The following TFR2 variants were observed in gnomAD, a reference collection of about 807,000 sequenced individuals.
TFR2 encodes the protein transferrin receptor protein 2.
Under a neutral mutation model 91.9 loss-of-function variants are expected in TFR2, and 64 were observed. The observed-to-expected ratio is 0.70, with a 90% CI of 0.57 to 0.86. TFR2 has a LOEUF of 0.86. Among genes scored for constraint, TFR2 ranks in the 40% least tolerant of loss-of-function variants. The probability of loss-of-function intolerance (pLI) is 0.00; values close to 1 mark genes in which losing one functional copy is unlikely to be tolerated. For synonymous variants in TFR2, 454 were observed against 459.6 expected (o/e 0.99, Z 0.15); for missense variants, 950 against 1,080.5 (o/e 0.88, Z 1.69).
chr7:100,622,865 A>C (rs1803145121), intron 17 of TFR2, among the ~76,000 whole-genome samples: 1 of 152,208 alleles, frequency 6.6e-6, no homozygotes, highest in Admixed American at 6.6e-5. Flanking sequence ...AGGCTGAGGC[A>C]CAAGAATAGC....
chr7:100,640,533 A>T (rs1366597611), intron 3 of TFR2, 153 bp downstream of exon 3: 6 of 826,922 alleles, frequency 7.3e-6, no homozygotes, highest in Non-Finnish European at 3.7e-6. Flanking sequence ...CATCCTTCCC[A>T]GGACCGCTGA....
intron 1 of TFR2, 113 bp from the exon 2 acceptor site, chr7:100,641,341 GC>G: frequency 7.0e-7 from 1 of 1,428,790 alleles, no homozygotes; most frequent in Non-Finnish European, 9.5e-7. Context: ...GGTGGTGGGG[GC>G]GTGGGGGAGG....
At chr7:100,637,268 G>C (rs763857619) in intron 3 of TFR2, among the ~76,000 whole-genome samples, 1 of 151,974 alleles carries the variant, frequency 6.6e-6, no homozygotes, top group Non-Finnish European at 1.5e-5. Context: ...GTGTCGTGGC[G>C]CATGACTGTA....
chr7:100,634,294 G>T (rs1279760559), intron 3 of TFR2, among the ~76,000 whole-genome samples: 1 of 151,708 alleles, frequency 6.6e-6, no homozygotes. Flanking sequence ...CATCCTCCAC[G>T]TGGGCCTCAT....
chr7:100,626,411 G>T (rs1490545449), intron 17 of TFR2: 8 of 1,118,466 alleles, frequency 7.2e-6, no homozygotes, highest in Non-Finnish European at 8.8e-6. Context: ...GACCAGTGTG[G>T]ACATGCTTTT....
chr7:100,632,719 A>T, intron 6 of TFR2: 2 of 39,176 alleles, frequency 5.1e-5, no homozygotes, highest in Non-Finnish European at 8.3e-5. Flanking sequence ...CAGCTAACTA[A>T]AAAAAAAAAA....
intron 17 of TFR2, 77 bp downstream of exon 17, chr7:100,626,686 C>A: frequency 6.6e-7 from 1 of 1,504,884 alleles, no homozygotes; most frequent in Non-Finnish European, 8.8e-7. Flanking sequence ...AGCGCGCAGA[C>A]GGGGCCAGGT....
intron 2 of TFR2, 38 bp from the exon 3 acceptor site, chr7:100,640,910 C>T (rs1479066036): frequency 6.2e-7 from 1 of 1,613,814 alleles, no homozygotes; most frequent in South Asian, 1.1e-5. Flanking sequence ...TTTATGCCCA[C>T]CTCTGGACCC....
chr7:100,641,383 A>C (rs956747394), intron 1 of TFR2, 94 bp downstream of exon 1: 1 of 1,554,968 alleles, frequency 6.4e-7, no homozygotes, highest in Admixed American at 1.8e-5. Flanking sequence ...AGGTCAGGAC[A>C]CGGTCCAGGA....
chr7:100,637,064 G>A (rs543243466), intron 3 of TFR2, among the ~76,000 whole-genome samples: 23 of 152,254 alleles, frequency 1.5e-4, no homozygotes, highest in Non-Finnish European at 2.8e-4. Context: ...CCAGGAGTTC[G>A]AAACCAGCCT....
Position 100,627,312 on chromosome 7 carries a change from G to C in TFR2, c.1947C>G (p.Val649=). ...TGAGGTTCCCGATGTGCCTGAGGAC[G>C]ACGTCCCCGTAGCGGCCGAAGTCGA... ...LPLDFGRYGD[V]VLRHIGNLNE... is the part of the protein sequence containing the mutation. Residue 649 remains valine, a synonymous_variant, in exon 16 of 18, where the codon GTC becomes GTG. Coordinates refer to ENST00000223051, the MANE Select transcript of TFR2 (RefSeq NM_003227.4). The C allele has an allele frequency of 6.5e-7, 1 of 1,549,834 alleles. No individual in the cohort carries two copies. Among genetic ancestry groups the C allele is most frequent in the South Asian group, 1.2e-5 (1 of 83,994 alleles).
chr7:100,633,220 G>T lies in TFR2; in HGVS notation c.726+9C>A, dbSNP rs372020405. On this transcript the variant is annotated intron_variant, in intron 5 of 17. Coordinates refer to ENST00000223051, the MANE Select transcript of TFR2 (RefSeq NM_003227.4). ...CGCCCCATCCTAGGAGCGGGCAGGG[G>T]GTGCTCACCGTGACGTTGCCGATGG... 1.2e-6 allele frequency: 2 copies of T among 1,613,660 alleles called. No homozygotes were observed. The highest frequency in any genetic ancestry group is 1.7e-6 in the Non-Finnish European group (2 of 1,179,868).
Position 100,627,650 on chromosome 7 carries a change from AG to A in TFR2, c.1693del (p.Leu565TyrfsTer105). ...PSWDAEVIRP[L>X]PMDSSAYSFT... is the part of the protein sequence containing the mutation. ...GGAATAGGCACTGCTGTCCATGGGTAGGGGCCGGATCCTGGGGGCAGGTGGG... is the reference window on the plus strand; with the variant it reads ...GGAATAGGCACTGCTGTCCATGGGTAGGGCCGGATCCTGGGGGCAGGTGGG... On this transcript the variant is annotated frameshift_variant, in exon 15 of 18. Coordinates refer to ENST00000223051, the MANE Select transcript of TFR2 (RefSeq NM_003227.4). LOFTEE classifies it high-confidence loss of function. The A allele has an allele frequency of 6.2e-7, 1 of 1,614,116 alleles. No individual in the cohort carries two copies. The highest frequency in any genetic ancestry group is 8.5e-7 in the Non-Finnish European group (1 of 1,179,986).
Position 100,629,469 on chromosome 7 carries a change from G to C in TFR2, c.1271-97C>G, listed in dbSNP as rs537393233. On this transcript the variant is annotated intron_variant, in intron 9 of 17. Coordinates refer to ENST00000223051, the MANE Select transcript of TFR2 (RefSeq NM_003227.4). ...GTGTCTCTCAGCCCATCACAATTCCGGCAACCCTAGCCCTGCAGTCCCTCC... is the reference window on the plus strand; with the variant it reads ...GTGTCTCTCAGCCCATCACAATTCCCGCAACCCTAGCCCTGCAGTCCCTCC... The C allele has an allele frequency of 1.4e-5, 23 of 1,591,042 alleles. No homozygotes were observed. In the African/African-American group the frequency reaches 1.7e-4, roughly 12 times the overall value.
At position 100,623,314 on chromosome 7, in the gene TFR2, C is replaced by A. The variant is rs190423631; in HGVS notation, c.2137-2188G>T. On this transcript the variant is annotated intron_variant, in intron 17 of 17. Transcript: ENST00000223051. ...AAATGGCAACTGCTATTTTATTATT[C>A]TTCTATTCTAAGACAACTATTATTA... Among the ~76,000 whole-genome samples, 450 of 152,344 alleles carry A rather than the reference C, an allele frequency of 3.0e-3. 2 individuals are homozygous for A. The highest frequency in any genetic ancestry group is 0.01 in the African/African-American group (430 of 41,588).
chr7:100,627,882 C>T (rs916143659), intron 13 of TFR2, 25 bp downstream of exon 13: 2 of 1,614,136 alleles, frequency 1.2e-6, no homozygotes, highest in Admixed American at 1.7e-5. Context: ...CTCCCCTTCA[C>T]CCCCTATTCC....
Position 100,627,731 on chromosome 7 carries a change from C to G in TFR2, c.1682+13G>C, listed in dbSNP as rs566516530. On this transcript the variant is annotated intron_variant, in intron 14 of 17. Transcript: ENST00000223051. ...CACATCCCTCCCCAGCTCTCCCTAC[C>G]CCCCCAACTTACACCTCAGCATCCC... 201 of 1,613,846 alleles carry G rather than the reference C, an allele frequency of 1.2e-4. No individual in the cohort carries two copies. In the African/African-American group the frequency reaches 2.5e-3, roughly 20 times the overall value.
chr7:100,632,871 T>G lies in TFR2; in HGVS notation c.849+130A>C, dbSNP rs1454947111. On this transcript the variant is annotated intron_variant, in intron 6 of 17. Coordinates refer to ENST00000223051, the MANE Select transcript of TFR2 (RefSeq NM_003227.4). ...CAGGTGAGAACCATCGTGCCCAGCT[T>G]ATATTTTCTTACCATCCAGCCACAT... 27 of 1,513,716 alleles carry G rather than the reference T, an allele frequency of 1.8e-5. No individual in the cohort carries two copies. In the East Asian group the frequency reaches 4.5e-4, roughly 25 times the overall value. The allele number at this position is 1,513,716 out of a possible 1,614,324, so 93.8% of individuals were successfully genotyped here.
intron 10 of TFR2, 60 bp from the exon 11 acceptor site, chr7:100,628,366 GTCT>G (rs1041296557): frequency 6.0e-6 from 9 of 1,510,632 alleles, no homozygotes; most frequent in South Asian, 1.1e-5. Context: ...CCCTCCCCTT[GTCT>G]TCTTCTGTCC....
Sources: gnomAD v4.1 joint callset for allele counts (sites outside exome capture counted in the v4.1 genomes callset) on GRCh38, gnomAD v4.1.1 for gene constraint, MANE v1.5 for transcripts, NCBI Gene and HGNC (gene_info 2026-07-23, HGNC 2026-07-21) for gene names.